GPM6A: variants seen among roughly 807,000 people sequenced by gnomAD.
GPM6A encodes the protein glycoprotein M6A.
Under a neutral mutation model 32.1 loss-of-function variants are expected in GPM6A, and 7 were observed. The observed-to-expected ratio is 0.22, with a 90% confidence interval of 0.12 to 0.41. The LOEUF (loss-of-function observed/expected upper bound fraction) is 0.41, where lower values mean the gene tolerates loss of function less well. GPM6A is among the 10% of genes least tolerant of loss of function. GPM6A has a pLI of 1.00. For synonymous variants in GPM6A, 130 were observed against 123.4 expected, an observed-to-expected ratio of 1.05 and a Z score of -0.35; for missense variants, 235 against 347.2, an observed-to-expected ratio of 0.68 and a Z score of 2.57.
intron 1 of GPM6A, among the ~76,000 whole-genome samples, chr4:175,742,588 A>T (rs1731931713): frequency 6.6e-6 from 1 of 152,214 alleles, no homozygotes; most frequent in Non-Finnish European, 1.5e-5. Context: ...GGACATTTAG[A>T]GTCATGTACA....
At chr4:175,666,140 G>T (rs752810511) in intron 3 of GPM6A, among the ~76,000 whole-genome samples, 1 of 151,870 alleles carries the variant, frequency 6.6e-6, no homozygotes, top group Non-Finnish European at 1.5e-5. Flanking sequence ...GGCTGGTCTC[G>T]ATCTCCAGCC....
At chr4:175,803,675 G>A (rs1373133783) in intron 1 of GPM6A, among the ~76,000 whole-genome samples, 1 of 152,152 alleles carries the variant, frequency 6.6e-6, no homozygotes. Flanking sequence ...GAATAACACA[G>A]ATTAAGTTAC....
intron 1 of GPM6A, among the ~76,000 whole-genome samples, chr4:175,987,986 G>C (rs1439767410): frequency 1.3e-5 from 2 of 151,842 alleles, no homozygotes; most frequent in Non-Finnish European, 2.9e-5. Context: ...TGTTAGTTGT[G>C]AAAAGAGAAA....
intron 1 of GPM6A, among the ~76,000 whole-genome samples, chr4:175,955,315 T>C (rs1326181156): frequency 2.0e-5 from 3 of 152,194 alleles, no homozygotes; most frequent in Non-Finnish European, 4.4e-5. Flanking sequence ...CTTTGCTTTA[T>C]TCAACAAATA....
intron 1 of GPM6A, among the ~76,000 whole-genome samples, chr4:175,744,634 T>C (rs1029204505): frequency 5.9e-5 from 9 of 152,038 alleles, no homozygotes; most frequent in Admixed American, 4.6e-4. Context: ...GAAGAAAAAA[T>C]AATAACACAT....
chr4:175,771,570 A>AT (rs1172179678), intron 1 of GPM6A, among the ~76,000 whole-genome samples: 1 of 150,976 alleles, frequency 6.6e-6, no homozygotes, highest in Non-Finnish European at 1.5e-5. Context: ...AAAAAAAAAA[A>AT]GAATTTTCAT....
intron 1 of GPM6A, among the ~76,000 whole-genome samples, chr4:175,757,428 G>A (rs546647000): frequency 9.2e-5 from 14 of 151,992 alleles, no homozygotes; most frequent in South Asian, 4.1e-4. Flanking sequence ...CCAAATTCCC[G>A]GCCCACAGTA....
intron 1 of GPM6A, among the ~76,000 whole-genome samples, chr4:175,921,364 A>G (rs1250338310): frequency 1.3e-5 from 2 of 152,176 alleles, no homozygotes; most frequent in Non-Finnish European, 2.9e-5. Context: ...TACACTCTGT[A>G]TGCACTTTTT....
Position 175,949,895 on chromosome 4 carries a change from T to C in GPM6A, c.-23+52414A>G, listed in dbSNP as rs984993109. ...ACAATTCATGAAACCAAATAGAAAA[T>C]AAACACTGTAGCCTTATGAGTTCTC... On this transcript the variant is annotated intron_variant, in intron 1 of 7. Coordinates refer to the GPM6A transcript ENST00000280187. Among the ~76,000 whole-genome samples the C allele has an allele frequency of 3.3e-5, 5 of 152,264 alleles. No homozygotes were observed. The East Asian group carries it at 9.6e-4, about 29-fold the overall frequency.
At chr4:175,750,075 T>C (rs1166458949) in intron 1 of GPM6A, among the ~76,000 whole-genome samples, 1 of 152,154 alleles carries the variant, frequency 6.6e-6, no homozygotes, top group Non-Finnish European at 1.5e-5. Context: ...GCTTTTTTTT[T>C]TGAGATGGAG....
intron 2 of GPM6A, among the ~76,000 whole-genome samples, chr4:175,684,850 T>TTGTG (rs59885113): frequency 0.049 from 7,383 of 151,628 alleles, 202 homozygotes; most frequent in Non-Finnish European, 0.063. Flanking sequence ...TCTTAACTAT[T>TTGTG]TGTGTGTGTG....
At chr4:175,810,069 C>T (rs1416964537) in intron 1 of GPM6A, among the ~76,000 whole-genome samples, 1 of 152,148 alleles carries the variant, frequency 6.6e-6, no homozygotes, top group Non-Finnish European at 1.5e-5. Flanking sequence ...TAAGAACTAA[C>T]ACAAAATGCT....
chr4:175,877,135 C>A (rs1293874010), intron 1 of GPM6A, among the ~76,000 whole-genome samples: 1 of 152,114 alleles, frequency 6.6e-6, no homozygotes, highest in Non-Finnish European at 1.5e-5. Flanking sequence ...AGGGAAGTGA[C>A]ATTTGTCCTG....
intron 1 of GPM6A, among the ~76,000 whole-genome samples, chr4:175,925,084 A>T (rs1481678990): frequency 3.3e-5 from 5 of 152,232 alleles, no homozygotes; most frequent in Non-Finnish European, 7.3e-5. Flanking sequence ...TCAACCAGGG[A>T]TCATAATAAT....
intron 1 of GPM6A, among the ~76,000 whole-genome samples, chr4:175,720,354 G>T (rs181781142): frequency 6.6e-5 from 10 of 152,186 alleles, no homozygotes; most frequent in Admixed American, 6.5e-4. Flanking sequence ...TACACACAAA[G>T]CTCATTTTCA....
chr4:175,838,985 A>T (rs938504876), intron 1 of GPM6A, among the ~76,000 whole-genome samples: 13 of 152,048 alleles, frequency 8.5e-5, no homozygotes, highest in Non-Finnish European at 1.9e-4. Flanking sequence ...TCTATATATG[A>T]TAATGGATCT....
At chr4:175,659,185 C>T (rs1287293679) in intron 3 of GPM6A, among the ~76,000 whole-genome samples, 3 of 150,542 alleles carry the variant, frequency 2.0e-5, no homozygotes, top group African/African-American at 4.9e-5. Context: ...CGGGTTCAAG[C>T]GACTCTCTTG....
intron 1 of GPM6A, among the ~76,000 whole-genome samples, chr4:175,706,838 G>A (rs951150430): frequency 6.6e-6 from 1 of 152,180 alleles, no homozygotes; most frequent in African/African-American, 2.4e-5. Context: ...ATAAAACAGG[G>A]TGTAGTAAAG....
chr4:176,001,941 TC>T (rs747124244), intron 1 of GPM6A, among the ~76,000 whole-genome samples: 1 of 152,156 alleles, frequency 6.6e-6, no homozygotes, highest in African/African-American at 2.4e-5. Context: ...GCTATTCGGA[TC>T]CTGGGTCTCT....
Sources: allele counts gnomAD v4.1 joint callset (sites outside exome capture counted in the v4.1 genomes callset), GRCh38; gene constraint gnomAD v4.1.1; transcripts MANE v1.5; gene names NCBI Gene and HGNC (gene_info 2026-07-23, HGNC 2026-07-21).